PRDX6: variants seen among roughly 807,000 people sequenced by gnomAD.
PRDX6 encodes peroxiredoxin-6.
Under a neutral mutation model 20.0 loss-of-function variants are expected in PRDX6, and 13 were observed. The observed-to-expected ratio is 0.65, with a 90% CI of 0.42 to 1.03. The LOEUF is 1.03. PRDX6 is among the 50% of genes least tolerant of loss of function. PRDX6 has a pLI of 0.00. For missense variants in PRDX6, 203 were observed against 276.9 expected (o/e 0.73, Z 1.89); for synonymous variants, 85 against 100.8 (o/e 0.84, Z 0.94).
At chr1:173,484,254 C>CAT (rs955028620) in intron 2 of PRDX6, among the ~76,000 whole-genome samples, 16 of 144,462 alleles carry the variant, frequency 1.1e-4, no homozygotes, top group East Asian at 4.0e-4. Flanking sequence ...TGTGTGTGTG[C>CAT]ATATATATAT....
In PRDX6 at chr1:173,477,371, C is replaced by T. The variant is rs1658709667; in HGVS notation, c.-27C>T. The T allele has an allele frequency of 3.2e-6, 5 of 1,586,054 alleles. No homozygotes were observed. The African/African-American group carries it at 5.5e-5, about 17-fold the overall frequency. On this transcript the variant is annotated 5_prime_UTR_variant, in exon 1 of 5. Transcript: ENST00000340385. ...AGAACCAACCGGTTGCTTGCTGTCCCAGCGGCGCCCCCTCATCACCGTCGC... is the reference window on the plus strand; with the variant it reads ...AGAACCAACCGGTTGCTTGCTGTCCTAGCGGCGCCCCCTCATCACCGTCGC...
chr1:173,487,885 T>C lies in PRDX6; in HGVS notation c.*22T>C. Reference sequence around the variant, plus strand: ...TTAAGTCTCTTGGAGAAGCTGGTGCTGTGAGCCAGAGGATGTCAGCTGCCA... The same window carrying C: ...TTAAGTCTCTTGGAGAAGCTGGTGCCGTGAGCCAGAGGATGTCAGCTGCCA... On this transcript the variant is annotated 3_prime_UTR_variant, in exon 5 of 5. Coordinates refer to ENST00000340385, the MANE Select transcript of PRDX6 (RefSeq NM_004905.3). The C allele has an allele frequency of 6.2e-7, 1 of 1,611,296 alleles. No homozygotes were observed. Among genetic ancestry groups the C allele is most frequent in the Non-Finnish European group, 8.5e-7 (1 of 1,179,444 alleles).
In PRDX6 at chr1:173,480,939, G is replaced by GA. The variant is rs1203442568; in HGVS notation, c.96-380dup. 3.3e-5 allele frequency among the ~76,000 whole-genome samples: 5 copies of GA among 152,072 alleles called. No homozygotes were observed. In the East Asian group the frequency reaches 9.6e-4, roughly 29 times the overall value. ...GAGCTGAATGTCAGGGTCTATGCTA[G>GA]AAAAAAATGTAGAAAAGGATAAGAA... On this transcript the variant is annotated intron_variant, in intron 1 of 4. Transcript: ENST00000340385.
At chr1:173,481,286 A>G in intron 1 of PRDX6, 40 bp from the exon 2 acceptor site, 1 of 1,567,992 alleles carries the variant, frequency 6.4e-7, no homozygotes, top group Non-Finnish European at 8.7e-7. Context: ...GTTGGTGATA[A>G]CTCTTAATTC....
In PRDX6 at chr1:173,485,484, G is replaced by A; in HGVS notation, c.376G>A (p.Gly126Ser). ...MLDPAEKDEK[G>S]MPVTARVVFV... is the part of the protein sequence containing the mutation. ...GGATCCAGCAGAGAAGGATGAAAAG[G>A]GCATGCCTGTGACAGCTCGTGTGGT... is the stretch of plus-strand genomic sequence containing the variant. Residue 126 changes from glycine to serine, a missense_variant, in exon 3 of 5, where the codon GGC (glycine) becomes AGC (serine). Coordinates refer to ENST00000340385, the MANE Select transcript of PRDX6 (RefSeq NM_004905.3). 1 of 1,604,252 alleles carries A rather than the reference G, an allele frequency of 6.2e-7. No homozygotes were observed. Among genetic ancestry groups the A allele is most frequent in the South Asian group, 1.1e-5 (1 of 89,516 alleles).
chr1:173,481,697 C>A (rs1557996646), intron 2 of PRDX6: 1 of 546,516 alleles, frequency 1.8e-6, no homozygotes, highest in Non-Finnish European at 3.2e-6. Flanking sequence ...CAGCATTCAA[C>A]CCAGCTGATC....
In PRDX6 at chr1:173,487,848, C is replaced by T. The variant is rs1354706861; in HGVS notation, c.660C>T (p.Tyr220=). 6.2e-7 allele frequency: 1 copy of T among 1,612,846 alleles called. No homozygotes were observed. Among genetic ancestry groups the T allele is most frequent in the Admixed American group, 1.7e-5 (1 of 60,034 alleles). ...CATCTGGCAAGAAATACCTCCGCTA[C>T]ACACCCCAGCCTTAAGTCTCTTGGA... The part of the protein sequence containing the change: ...ELPSGKKYLR[Y]TPQP The change falls in exon 5 of 5, where the codon TAC becomes TAT. Residue 220 remains tyrosine (Y), a synonymous_variant. Transcript: ENST00000340385.
rs745706076 is a variant in PRDX6 at position 173,481,343 on chromosome 1, C to T, written c.113C>T (p.Ser38Phe). Residue 38 changes from serine to phenylalanine, a missense_variant, in exon 2 of 5, where the codon TCC becomes TTC. Coordinates refer to ENST00000340385, the MANE Select transcript of PRDX6 (RefSeq NM_004905.3). ...CCTTTCAGATGGGGCATTCTCTTCT[C>T]CCACCCTCGGGACTTTACCCCAGTG... ...FLGDSWGILF[S>F]HPRDFTPVCT... The T allele has an allele frequency of 1.9e-6, 3 of 1,613,610 alleles. No homozygotes were observed.
At chr1:173,486,182 C>A in intron 3 of PRDX6, 73 bp from the exon 4 acceptor site, 1 of 1,352,764 alleles carries the variant, frequency 7.4e-7, no homozygotes, top group Non-Finnish European at 1.0e-6. Context: ...TTATTAATGA[C>A]TGCAGAGCTT....
chr1:173,484,044 AGTGAGCCAAGGTTGCG>A (rs1557997290), intron 2 of PRDX6, among the ~76,000 whole-genome samples: 1 of 149,056 alleles, frequency 6.7e-6, no homozygotes, highest in Admixed American at 6.7e-5. Context: ...CGGAGGTTGC[AGTGAGCCAAGGTTGCG>A]GTGAGCCAAG....
intron 2 of PRDX6, among the ~76,000 whole-genome samples, chr1:173,484,722 GT>G (rs1394987594): frequency 6.6e-6 from 1 of 151,492 alleles, no homozygotes; most frequent in Non-Finnish European, 1.5e-5. Context: ...GAAATGCTTT[GT>G]TTTCTCTTTG....
chr1:173,487,789 C>G lies in PRDX6; in HGVS notation c.601C>G (p.Leu201Val). 1 of 1,614,124 alleles carries G rather than the reference C, an allele frequency of 6.2e-7. No individual in the cohort carries two copies. The highest frequency in any genetic ancestry group is 8.5e-7 in the Non-Finnish European group (1 of 1,180,022). ...PTIPEEEAKK[L>V]FPKGVFTKEL... ...CATCCCTGAAGAAGAAGCCAAAAAA[C>G]TTTTCCCGAAAGGAGTCTTCACCAA... Residue 201 changes from leucine (L) to valine (V), a missense_variant, in exon 5 of 5, where the codon CTT becomes GTT. Leu to Val is a conservative substitution (Grantham distance 32, BLOSUM62 1). Transcript: ENST00000340385.
intron 3 of PRDX6, 36 bp downstream of exon 3, chr1:173,485,543 C>T: frequency 1.3e-6 from 2 of 1,529,892 alleles, no homozygotes; most frequent in Non-Finnish European, 1.8e-6. Context: ...GTTAGCTTAA[C>T]TGATCAGGCT....
At chr1:173,484,173 T>TAC (rs1328020093) in intron 2 of PRDX6, among the ~76,000 whole-genome samples, 65 of 131,344 alleles carry the variant, frequency 4.9e-4, no homozygotes, top group African/African-American at 2.3e-3. Flanking sequence ...TATATTTATA[T>TAC]ATATACACAC....
In PRDX6 at chr1:173,477,457, C is replaced by T. The variant is rs1392112474; in HGVS notation, c.60C>T (p.Val20=). The change falls in exon 1 of 5, where the codon GTC becomes GTT. Residue 20 remains valine (V), a synonymous_variant. Transcript: ENST00000340385. Reference sequence around the variant, plus strand: ...CCAACTTTGAGGCCAATACCACCGTCGGCCGCATCCGTTTCCACGACTTTC... The same window carrying T: ...CCAACTTTGAGGCCAATACCACCGTTGGCCGCATCCGTTTCCACGACTTTC... ...VAPNFEANTT[V]GRIRFHDFLG... is the part of the protein sequence containing the mutation. 25 of 1,607,786 alleles carry T rather than the reference C, an allele frequency of 1.6e-5. No individual in the cohort carries two copies. In the Admixed American group the frequency reaches 4.2e-4, roughly 27 times the overall value.
In PRDX6 at chr1:173,485,421, G is replaced by A. The variant is rs748067892; in HGVS notation, c.313G>A (p.Asp105Asn). Reference sequence around the variant, plus strand: ...AAAGTTACCTTTTCCCATCATCGATGATAGGAATCGGGAGCTTGCCATCCT... The same window carrying A: ...AAAGTTACCTTTTCCCATCATCGATAATAGGAATCGGGAGCTTGCCATCCT... Reference protein sequence around the residue: ...TEKLPFPIIDDRNRELAILLG... With the variant: ...TEKLPFPIIDNRNRELAILLG... The change falls in exon 3 of 5, where the codon GAT becomes AAT. Residue 105 changes from aspartate (D) to asparagine (N), a missense_variant. Physicochemically the swap from Asp to Asn is conservative, Grantham distance 23 (BLOSUM62 1). Transcript: ENST00000340385. 6.2e-7 allele frequency: 1 copy of A among 1,610,552 alleles called. No homozygotes were observed. The highest frequency in any genetic ancestry group is 1.3e-5 in the African/African-American group (1 of 74,834).
At chr1:173,482,760 A>G (rs1244008153) in intron 2 of PRDX6, among the ~76,000 whole-genome samples, 1 of 152,240 alleles carries the variant, frequency 6.6e-6, no homozygotes, top group African/African-American at 2.4e-5. Context: ...GACTAGAAGA[A>G]TCATGTGTAG....
chr1:173,485,322 G>T, intron 2 of PRDX6, 39 bp from the exon 3 acceptor site: 1 of 1,507,254 alleles, frequency 6.6e-7, no homozygotes, highest in South Asian at 1.3e-5. Flanking sequence ...AGCATGTGTT[G>T]GGTTTAGATT....
chr1:173,486,138 C>A, intron 3 of PRDX6, 117 bp from the exon 4 acceptor site: 1 of 873,252 alleles, frequency 1.1e-6, no homozygotes, highest in Non-Finnish European at 1.6e-6. Context: ...CTTCTAGATG[C>A]TTTGTTTTTG....
Sources: allele counts gnomAD v4.1 joint callset (sites outside exome capture counted in the v4.1 genomes callset), GRCh38; gene constraint gnomAD v4.1.1; transcripts MANE v1.5; gene names NCBI Gene and HGNC (gene_info 2026-07-23, HGNC 2026-07-21).